The following ECI2 variants were observed in gnomAD, a reference collection of about 807,000 sequenced individuals.
ECI2 encodes D3,D2-enoyl-CoA isomerase.
ECI2 carries 27 observed loss-of-function variants against 38.4 expected under a neutral mutation model. The ratio of observed to expected loss-of-function variants is 0.70; its 90% CI spans 0.52 to 0.97. The LOEUF is 0.97. Among genes scored for constraint, ECI2 ranks in the 50% least tolerant of loss-of-function variants. The pLI is 0.00. For synonymous variants in ECI2, 168 were observed against 172.0 expected, an observed-to-expected ratio of 0.98 and a Z score of 0.18; for missense variants, 470 against 474.4, an observed-to-expected ratio of 0.99 and a Z score of 0.09.
intron 1 of ECI2, among the ~76,000 whole-genome samples, chr6:4,134,912 C>T (rs2113035267): frequency 6.6e-6 from 1 of 152,308 alleles, no homozygotes; most frequent in African/African-American, 2.4e-5. Flanking sequence ...GGGAAAATCA[C>T]TCATAATTCT....
intron 1 of ECI2, chr6:4,135,049 A>T: frequency 2.2e-6 from 1 of 448,414 alleles, no homozygotes. Flanking sequence ...ATTTCACTTT[A>T]TAGCATACGT....
rs762371433 is a variant in ECI2 at position 4,122,018 on chromosome 6, GC to G, written c.796-2744del. The G allele has an allele frequency of 4.4e-6, 7 of 1,601,032 alleles. No homozygotes were observed. The Admixed American group carries it at 1.2e-4, about 27-fold the overall frequency. The stretch of plus-strand genomic sequence containing the variant: ...ATACAAGCAGGAAACTGAGAAACCT[GC>G]CAACAACAGCTAAAGGGACACAAAC... On this transcript the variant is annotated intron_variant, in intron 7 of 9. Coordinates refer to ENST00000380118, the MANE Select transcript of ECI2 (RefSeq NM_206836.3).
At chr6:4,122,184 C>A in intron 7 of ECI2, 1 of 427,752 alleles carries the variant, frequency 2.3e-6, no homozygotes. Flanking sequence ...CTCTGTACCA[C>A]AGTTTTCTCA....
intron 7 of ECI2, chr6:4,121,841 C>G (rs1772795137): frequency 4.3e-6 from 2 of 465,242 alleles, no homozygotes; most frequent in Non-Finnish European, 7.6e-6. Flanking sequence ...TACTATATAA[C>G]TGTTAGAAGA....
In ECI2 at chr6:4,127,801, C is replaced by CTTTAT; in HGVS notation, c.531_532insATAAA (p.Ala178IlefsTer14). The CTTTAT allele has an allele frequency of 6.2e-7, 1 of 1,613,222 alleles. No individual in the cohort carries two copies. Among genetic ancestry groups the CTTTAT allele is most frequent in the East Asian group, 2.2e-5 (1 of 44,838 alleles). Reference sequence around the variant, plus strand: ...ATGATTGAGTCATCCTTGCTGGCAGCTTTAAGTGCACGCATAATTTCATGA... The same window carrying CTTTAT: ...ATGATTGAGTCATCCTTGCTGGCAGCTTTATTTTAAGTGCACGCATAATTTCATGA... On this transcript the variant is annotated frameshift_variant, in exon 5 of 10. Coordinates refer to ENST00000380118, the MANE Select transcript of ECI2 (RefSeq NM_206836.3). LOFTEE classifies it high-confidence loss of function.
intron 7 of ECI2, among the ~76,000 whole-genome samples, chr6:4,121,772 CATA>C (rs1261760687): frequency 2.0e-5 from 3 of 150,336 alleles, no homozygotes; most frequent in South Asian, 2.1e-4. Context: ...ATTTAAAATT[CATA>C]ATATGTAAAA....
At chr6:4,123,081 T>C (rs181424326) in intron 7 of ECI2, among the ~76,000 whole-genome samples, 53 of 152,342 alleles carry the variant, frequency 3.5e-4, no homozygotes, top group Admixed American at 3.1e-3. Context: ...TCATTTAATA[T>C]GATATTTATT....
chr6:4,126,080 C>A, intron 6 of ECI2, 55 bp downstream of exon 6: 1 of 1,443,380 alleles, frequency 6.9e-7, no homozygotes, highest in Admixed American at 1.7e-5. Flanking sequence ...CTAAATACCA[C>A]TTTGATGACT....
Position 4,130,362 on chromosome 6 carries a change from G to A in ECI2, c.501+10C>T. Reference sequence around the variant, plus strand: ...AAAACAGGACAAACTCCGTGGGCAGGTAACATTACCTCAGTGTTTATGGCA... The same window carrying A: ...AAAACAGGACAAACTCCGTGGGCAGATAACATTACCTCAGTGTTTATGGCA... On this transcript the variant is annotated intron_variant, in intron 4 of 9. Transcript: ENST00000380118. The A allele has an allele frequency of 1.2e-6, 2 of 1,614,162 alleles. No homozygotes were observed. The highest frequency in any genetic ancestry group is 1.7e-6 in the Non-Finnish European group (2 of 1,179,996).
chr6:4,117,534 G>A, intron 8 of ECI2, 83 bp from the exon 9 acceptor site: 4 of 1,534,846 alleles, frequency 2.6e-6, no homozygotes, highest in Non-Finnish European at 8.8e-7. Context: ...GAGGCTTAGA[G>A]AGATGTACTC....
At chr6:4,130,654 G>T in intron 3 of ECI2, 94 bp from the exon 4 acceptor site, 1 of 1,604,234 alleles carries the variant, frequency 6.2e-7, no homozygotes, top group African/African-American at 1.3e-5. Flanking sequence ...TTGCAATGAA[G>T]AAAGAATAGA....
Position 4,126,953 on chromosome 6 carries a change from T to A in ECI2, c.572-716A>T, listed in dbSNP as rs556723014. 7.2e-5 allele frequency among the ~76,000 whole-genome samples: 11 copies of A among 152,326 alleles called. 1 individual carries two copies. Among genetic ancestry groups the A allele is most frequent in the African/African-American group, 2.6e-4 (11 of 41,580 alleles). ...TCTCCATCACCCCAAAAGTTTCCCG[T>A]AGGCTCCTTCCTAGCTATCCCACCC... On this transcript the variant is annotated intron_variant, in intron 5 of 9. Coordinates refer to ENST00000380118, the MANE Select transcript of ECI2 (RefSeq NM_206836.3).
intron 4 of ECI2, among the ~76,000 whole-genome samples, chr6:4,128,088 G>T (rs1773295246): frequency 1.3e-5 from 2 of 152,162 alleles, no homozygotes; most frequent in Admixed American, 6.5e-5. Flanking sequence ...TTCCAAAAGG[G>T]ACCAAGAAAG....
Position 4,133,640 on chromosome 6 carries a change from T to A in ECI2, c.122A>T (p.Lys41Met). 5 of 1,614,092 alleles carry A rather than the reference T, an allele frequency of 3.1e-6. No homozygotes were observed. Among genetic ancestry groups the A allele is most frequent in the Non-Finnish European group, 3.4e-6 (4 of 1,179,988 alleles). Residue 41 changes from lysine to methionine, a missense_variant, in exon 2 of 10, where the codon AAG (lysine) becomes ATG (methionine). Lys to Met is a moderately conservative substitution (Grantham distance 95). Transcript: ENST00000380118. ...TTGATTCATTGAATTTTCAAAGTCC[T>A]TCTGACTGGCTCTCATTGCTGTTCT... ...MNRTAMRASQ[K>M]DFENSMNQVK...
At chr6:4,126,087 G>T in intron 6 of ECI2, 48 bp downstream of exon 6, 1 of 1,476,368 alleles carries the variant, frequency 6.8e-7, no homozygotes, top group Non-Finnish European at 9.4e-7. Context: ...CCACTTTGAT[G>T]ACTAAGAACG....
At chr6:4,127,097 T>C (rs73353352) in intron 5 of ECI2, among the ~76,000 whole-genome samples, 3,634 of 152,334 alleles carry the variant, frequency 0.024, 145 homozygotes, top group African/African-American at 0.079. Context: ...TTTATTTTGC[T>C]GAACTGTGTT....
chr6:4,131,746 G>T (rs10085196), intron 2 of ECI2, among the ~76,000 whole-genome samples: 1 of 151,742 alleles, frequency 6.6e-6, no homozygotes, highest in East Asian at 1.9e-4. Context: ...AATTCCAGCT[G>T]CTTGGGAGGC....
Position 4,130,576 on chromosome 6 carries a change from C to T in ECI2, c.313-16G>A, listed in dbSNP as rs1479365367. The stretch of plus-strand genomic sequence containing the variant: ...TGGCAGCTTCCTGAACGGACGATGA[C>T]AAACAACCTCAGCCCATGGTCAATG... On this transcript the variant is annotated splice_polypyrimidine_tract_variant and intron_variant, in intron 3 of 9. Transcript: ENST00000380118. 1 of 1,614,150 alleles carries T rather than the reference C, an allele frequency of 6.2e-7. No homozygotes were observed. The highest frequency in any genetic ancestry group is 1.1e-5 in the South Asian group (1 of 91,084).
At chr6:4,133,845 C>G in intron 1 of ECI2, 134 bp from the exon 2 acceptor site, 1 of 1,072,510 alleles carries the variant, frequency 9.3e-7, no homozygotes, top group Non-Finnish European at 1.2e-6. Context: ...CTTGCCTCAG[C>G]AAACTGGCTG....
Sources: gnomAD v4.1 joint callset for allele counts (sites outside exome capture counted in the v4.1 genomes callset) on GRCh38, gnomAD v4.1.1 for gene constraint, MANE v1.5 for transcripts, NCBI Gene and HGNC (gene_info 2026-07-23, HGNC 2026-07-21) for gene names.